The following SPARC variants were observed in gnomAD, a reference collection of about 807,000 sequenced individuals.
SPARC encodes secreted protein acidic and cysteine rich.
SPARC carries 23 observed loss-of-function variants against 37.7 expected under a neutral mutation model. The ratio of observed to expected loss-of-function variants is 0.61; its 90% CI spans 0.44 to 0.87. The LOEUF (loss-of-function observed/expected upper bound fraction) is 0.87, where lower values mean the gene tolerates loss of function less well. Among genes scored for constraint, SPARC ranks in the 40% least tolerant of loss-of-function variants. The probability of loss-of-function intolerance (pLI) is 0.00; values close to 1 mark genes in which losing one functional copy is unlikely to be tolerated. For missense variants in SPARC, 312 were observed against 389.0 expected (o/e 0.80, Z 1.66); for synonymous variants, 155 against 150.8 (o/e 1.03, Z -0.20).
At position 151,681,879 on chromosome 5, in the gene SPARC, G is replaced by A. The variant is rs142067868; in HGVS notation, c.-14+4986C>T. Among the ~76,000 whole-genome samples the A allele has an allele frequency of 2.9e-3, 449 of 152,324 alleles. 3 individuals are homozygous for A. Among genetic ancestry groups the A allele is most frequent in the African/African-American group, 0.01 (430 of 41,584 alleles). On this transcript the variant is annotated intron_variant, in intron 1 of 9. Coordinates refer to ENST00000231061, the MANE Select transcript of SPARC (RefSeq NM_003118.4). ...TTGCACTCTCGCCTGGGCAACAAGAGTGAAACTCCCTCTCAAAAAAATCCA... is the reference window on the plus strand; with the variant it reads ...TTGCACTCTCGCCTGGGCAACAAGAATGAAACTCCCTCTCAAAAAAATCCA...
chr5:151,663,904 T>A (rs1760566943), intron 9 of SPARC, among the ~76,000 whole-genome samples, 183 bp downstream of exon 9: 1 of 151,910 alleles, frequency 6.6e-6, no homozygotes, highest in African/African-American at 2.4e-5. Context: ...GACAGTTGGA[T>A]GGACAGAGAA....
intron 1 of SPARC, among the ~76,000 whole-genome samples, chr5:151,685,660 T>C (rs1225405050): frequency 6.6e-6 from 1 of 152,206 alleles, no homozygotes; most frequent in African/African-American, 2.4e-5. Flanking sequence ...ATAAAATGCA[T>C]GCCCGAAGCC....
chr5:151,666,979 G>A (rs1035253582), intron 7 of SPARC, among the ~76,000 whole-genome samples: 1 of 152,148 alleles, frequency 6.6e-6, no homozygotes, highest in Non-Finnish European at 1.5e-5. Context: ...AACCGAGATC[G>A]CACCACTGCA....
chr5:151,666,171 G>A (rs906576686), intron 8 of SPARC, among the ~76,000 whole-genome samples, 190 bp downstream of exon 8: 2 of 152,220 alleles, frequency 1.3e-5, no homozygotes, highest in African/African-American at 4.8e-5. Flanking sequence ...CTCAGCATGA[G>A]AGTGTCTTAT....
intron 1 of SPARC, chr5:151,679,866 T>C (rs1426485632): frequency 6.6e-6 from 1 of 152,178 alleles, no homozygotes; most frequent in African/African-American, 2.4e-5. Context: ...TCATGGACTG[T>C]GGGTCTCAGA....
intron 4 of SPARC, 59 bp from the exon 5 acceptor site, chr5:151,671,753 C>G: frequency 6.2e-7 from 1 of 1,602,050 alleles, no homozygotes; most frequent in Non-Finnish European, 8.5e-7. Flanking sequence ...CCACCCCCAT[C>G]CTACCTGGAC....
At chr5:151,675,897 GACT>G (rs755502436) in intron 2 of SPARC, among the ~76,000 whole-genome samples, 17 of 152,002 alleles carry the variant, frequency 1.1e-4, no homozygotes, top group Non-Finnish European at 2.4e-4. Flanking sequence ...GGGAGGCTCT[GACT>G]ACTAAGAAGT....
intron 5 of SPARC, 93 bp from the exon 6 acceptor site, chr5:151,669,877 G>A: frequency 6.6e-7 from 1 of 1,517,116 alleles, no homozygotes; most frequent in South Asian, 1.2e-5. Context: ...GGGACACTGA[G>A]GGTTAAGCAA....
intron 9 of SPARC, 90 bp downstream of exon 9, chr5:151,663,997 C>A (rs904200521): frequency 2.7e-6 from 4 of 1,483,606 alleles, no homozygotes; most frequent in Non-Finnish European, 3.7e-6. Flanking sequence ...ACAGACAGAC[C>A]AAGAGAGCGG....
intron 1 of SPARC, among the ~76,000 whole-genome samples, chr5:151,678,302 G>A (rs757457808): frequency 1.4e-4 from 21 of 152,126 alleles, no homozygotes; most frequent in African/African-American, 4.3e-4. Context: ...GAGTAACCGC[G>A]CTCCCCTCTG....
At position 151,662,228 on chromosome 5, in the gene SPARC, A is replaced by T. The variant is rs1760520658; in HGVS notation, c.*1343T>A. 1 of 152,692 alleles carries T rather than the reference A, an allele frequency of 6.5e-6. No homozygotes were observed. The highest frequency in any genetic ancestry group is 2.1e-4 in the South Asian group (1 of 4,832). 9.5% of individuals were successfully genotyped at this position (152,692 alleles called of 1,614,324 possible). A position where few individuals can be genotyped will look rare whatever the true frequency, so the allele number is the denominator to read the frequency against. ...GGGTTAAACCACAGGTCATTAAATG[A>T]AAACAGCTAACTTAGTGCTTACAGG... On this transcript the variant is annotated 3_prime_UTR_variant, in exon 10 of 10. Coordinates refer to ENST00000231061, the MANE Select transcript of SPARC (RefSeq NM_003118.4).
Position 151,667,668 on chromosome 5 carries a change from CA to C in SPARC, c.452-69del, listed in dbSNP as rs1326234685. ...GGCCGTGCTCCCCACCCCAGGCCCC[CA>C]CCCACCCACATACCACCTGCATTGG... On this transcript the variant is annotated intron_variant, in intron 6 of 9. Transcript: ENST00000231061. The C allele has an allele frequency of 4.3e-5, 66 of 1,547,594 alleles. No individual in the cohort carries two copies. In the African/African-American group the frequency reaches 6.4e-4, roughly 15 times the overall value.
intron 8 of SPARC, 24 bp from the exon 9 acceptor site, chr5:151,664,259 G>A (rs1760578672): frequency 6.2e-7 from 1 of 1,608,172 alleles, no homozygotes; most frequent in Non-Finnish European, 8.5e-7. Context: ...GGCAGGGGAG[G>A]GCCTGAGGCA....
intron 8 of SPARC, 30 bp downstream of exon 8, chr5:151,666,331 C>G (rs773478560): frequency 1.9e-6 from 3 of 1,602,306 alleles, no homozygotes; most frequent in Admixed American, 1.7e-5. Flanking sequence ...CAGCCTTGAG[C>G]TCTGTTCACT....
In SPARC at chr5:151,676,311, A is replaced by G. The variant is rs983774649; in HGVS notation, c.-13-110T>C. 2.9e-5 allele frequency: 21 copies of G among 714,564 alleles called. No individual in the cohort carries two copies. In the Admixed American group the frequency reaches 5.6e-4, roughly 19 times the overall value. The allele number at this position is 714,564 out of a possible 1,614,324, so 44.3% of individuals were successfully genotyped here. ...AATGTTAGATGGTACAAGTTAAATG[A>G]TAGTGAAAAACATGAGGAGGTTGGT... On this transcript the variant is annotated intron_variant, in intron 1 of 9. Transcript: ENST00000231061.
intron 5 of SPARC, among the ~76,000 whole-genome samples, chr5:151,670,804 TG>T (rs972762758): frequency 1.3e-5 from 2 of 152,096 alleles, no homozygotes; most frequent in African/African-American, 4.8e-5. Context: ...GACTGGGCAC[TG>T]GGAGTGGGGA....
Position 151,666,491 on chromosome 5 carries a change from T to A in SPARC, c.604A>T (p.Asn202Tyr), listed in dbSNP as rs374287897. Residue 202 changes from asparagine to tyrosine, a missense_variant, in exon 8 of 10, where the codon AAT becomes TAT. Coordinates refer to ENST00000231061, the MANE Select transcript of SPARC (RefSeq NM_003118.4). ...TCTCCTGCCTCCAGGCGCTTCTCAT[T>A]CTCATGGATCTTCTTCACCTGAGGG... ...QKLRVKKIHE[N>Y]EKRLEAGDHP... The A allele has an allele frequency of 2.0e-5, 33 of 1,613,934 alleles. No individual in the cohort carries two copies. The Admixed American group carries it at 5.5e-4, about 27-fold the overall frequency.
At chr5:151,684,486 A>C (rs545295843) in intron 1 of SPARC, among the ~76,000 whole-genome samples, 21 of 151,340 alleles carry the variant, frequency 1.4e-4, no homozygotes, top group African/African-American at 4.4e-4. Context: ...TGGGAAATAC[A>C]CAAGAAGTTC....
chr5:151,676,397 A>C (rs1760859097), intron 1 of SPARC, among the ~76,000 whole-genome samples, 196 bp from the exon 2 acceptor site: 1 of 152,218 alleles, frequency 6.6e-6, no homozygotes, highest in African/African-American at 2.4e-5. Flanking sequence ...TGGTGCCAAG[A>C]TGTCTTAAAC....
Sources: allele counts gnomAD v4.1 joint callset (sites outside exome capture counted in the v4.1 genomes callset), GRCh38; gene constraint gnomAD v4.1.1; transcripts MANE v1.5; gene names NCBI Gene and HGNC (gene_info 2026-07-23, HGNC 2026-07-21).